Variants in HIPK3 observed in about 807,000 individuals in gnomAD.
The protein encoded by HIPK3 is homeodomain interacting protein kinase 3.
A neutral mutation model predicts 124.2 loss-of-function variants in HIPK3; 47 were observed. The ratio of observed to expected loss-of-function variants is 0.38; its 90% CI spans 0.30 to 0.48. The LOEUF is 0.48. Among genes scored for constraint, HIPK3 ranks in the 20% least tolerant of loss-of-function variants. The pLI, the probability that HIPK3 is intolerant of heterozygous loss-of-function variation, is 0.98. For synonymous variants in HIPK3, 482 were observed against 515.2 expected (o/e 0.94, Z 0.87); for missense variants, 1,286 against 1,454.3 (o/e 0.88, Z 1.88).
intron 3 of HIPK3, among the ~76,000 whole-genome samples, chr11:33,334,497 T>A (rs1853079844): frequency 1.3e-5 from 2 of 152,110 alleles, no homozygotes; most frequent in Non-Finnish European, 2.9e-5. Flanking sequence ...ATATATATAG[T>A]TGGAGGGCCT....
In HIPK3 at chr11:33,353,166, T is replaced by A; in HGVS notation, c.3246T>A (p.Pro1082=). ...FGHRRQQAYI[P]TSVTSNPFTL... ...ACAGAAGACAGCAAGCTTATATTCCTACTAGTGTTACCAGTAATCCATTCA... is the reference window on the plus strand; with the variant it reads ...ACAGAAGACAGCAAGCTTATATTCCAACTAGTGTTACCAGTAATCCATTCA... The change falls in exon 17 of 17, where the codon CCT becomes CCA. Residue 1082 remains proline (P), a synonymous_variant. Transcript: ENST00000303296. 6.2e-7 allele frequency: 1 copy of A among 1,614,074 alleles called. No homozygotes were observed. The highest frequency in any genetic ancestry group is 8.5e-7 in the Non-Finnish European group (1 of 1,179,966).
At chr11:33,329,577 CTGAT>C (rs1272505569) in intron 3 of HIPK3, among the ~76,000 whole-genome samples, 1 of 152,148 alleles carries the variant, frequency 6.6e-6, no homozygotes, top group African/African-American at 2.4e-5. Flanking sequence ...TCATTTAATA[CTGAT>C]TATTAGATTA....
At chr11:33,293,169 T>C (rs1851745703) in intron 2 of HIPK3, among the ~76,000 whole-genome samples, 2 of 152,212 alleles carry the variant, frequency 1.3e-5, no homozygotes, top group South Asian at 2.1e-4. Context: ...GCAGAGCTCT[T>C]AAGTTTTTTT....
chr11:33,331,091 G>T (rs907014692), intron 3 of HIPK3, among the ~76,000 whole-genome samples: 1 of 151,806 alleles, frequency 6.6e-6, no homozygotes, highest in East Asian at 1.9e-4. Context: ...TCATATTGAC[G>T]AGGCAGGTCT....
chr11:33,316,734 G>C (rs2133951723), intron 2 of HIPK3, among the ~76,000 whole-genome samples: 1 of 152,176 alleles, frequency 6.6e-6, no homozygotes, highest in East Asian at 1.9e-4. Flanking sequence ...GGAGGGAGGA[G>C]GATTGCCAGA....
intron 1 of HIPK3, among the ~76,000 whole-genome samples, chr11:33,260,421 C>T (rs1017369053): frequency 2.0e-5 from 3 of 152,126 alleles, no homozygotes; most frequent in African/African-American, 7.2e-5. Context: ...TTCAGAATGC[C>T]GCAATATTAT....
At chr11:33,261,283 G>C (rs1850820176) in intron 1 of HIPK3, among the ~76,000 whole-genome samples, 1 of 151,352 alleles carries the variant, frequency 6.6e-6, no homozygotes, top group African/African-American at 2.4e-5. Flanking sequence ...TGTGTCATGT[G>C]TGTTTGATGT....
intron 6 of HIPK3, among the ~76,000 whole-genome samples, chr11:33,340,030 A>G (rs1414529860): frequency 6.6e-6 from 1 of 152,168 alleles, no homozygotes; most frequent in Non-Finnish European, 1.5e-5. Context: ...GGAAGAATAT[A>G]TACTAAAATT....
At position 33,347,383 on chromosome 11, in the gene HIPK3, C is replaced by T. The variant is rs774358050; in HGVS notation, c.1988C>T (p.Pro663Leu). 1.2e-6 allele frequency: 2 copies of T among 1,614,048 alleles called. No individual in the cohort carries two copies. The highest frequency in any genetic ancestry group is 8.5e-7 in the Non-Finnish European group (1 of 1,179,986). The stretch of plus-strand genomic sequence containing the variant: ...GTAACTCAGGCCCCAGCTGTGCAGC[C>T]ACTACAGATCCGACCAGGAGTTCTT... The part of the protein sequence containing the change: ...PLVTQAPAVQ[P>L]LQIRPGVLSQ... Residue 663 changes from proline (P) to leucine (L), a missense_variant, in exon 9 of 17, where the codon CCA becomes CTA. Physicochemically the swap from Pro to Leu is moderately conservative, Grantham distance 98. This residue lies in a region of HIPK3 where 810 missense variants were observed against 864.9 expected (regional missense o/e 0.94). Coordinates refer to ENST00000303296, the MANE Select transcript of HIPK3 (RefSeq NM_005734.5).
At chr11:33,293,601 A>T (rs1851758969) in intron 2 of HIPK3, among the ~76,000 whole-genome samples, 1 of 152,116 alleles carries the variant, frequency 6.6e-6, no homozygotes, top group Non-Finnish European at 1.5e-5. Flanking sequence ...ATGTATCAAT[A>T]CTTACTACTT....
At chr11:33,309,395 G>A (rs991480159) in intron 2 of HIPK3, among the ~76,000 whole-genome samples, 1 of 152,210 alleles carries the variant, frequency 6.6e-6, no homozygotes. Context: ...GATTACAGGT[G>A]TGTCACCACA....
At chr11:33,343,247 TTGTGTGTGTGTGTGTGTGTGTG>T (rs3884092) in intron 8 of HIPK3, among the ~76,000 whole-genome samples, 3 of 141,496 alleles carry the variant, frequency 2.1e-5, no homozygotes, top group South Asian at 2.3e-4. Context: ...TTATTTGATT[TTGTGTGTGTGTGTGTGTGTGTG>T]TGTGTGTGTG....
At chr11:33,317,400 A>G (rs1019860131) in intron 2 of HIPK3, among the ~76,000 whole-genome samples, 1 of 150,564 alleles carries the variant, frequency 6.6e-6, no homozygotes, top group Non-Finnish European at 1.5e-5. Context: ...AGCTGGGACC[A>G]CAGGCACACA....
intron 2 of HIPK3, among the ~76,000 whole-genome samples, chr11:33,291,549 G>A (rs1196582737): frequency 1.3e-5 from 2 of 152,116 alleles, no homozygotes; most frequent in African/African-American, 4.8e-5. Context: ...AGTGATACAA[G>A]CCAGAAGTAC....
intron 3 of HIPK3, among the ~76,000 whole-genome samples, chr11:33,331,564 G>A (rs1417945087): frequency 6.6e-6 from 1 of 152,050 alleles, no homozygotes; most frequent in Non-Finnish European, 1.5e-5. Flanking sequence ...TTGTAGAGAT[G>A]GGGTCTCTTT....
chr11:33,310,686 C>T (rs2133942369), intron 2 of HIPK3, among the ~76,000 whole-genome samples: 1 of 152,230 alleles, frequency 6.6e-6, no homozygotes, highest in South Asian at 2.1e-4. Context: ...ATCTCAGGTG[C>T]CCAATAGCTA....
chr11:33,303,585 G>T (rs752612728), intron 2 of HIPK3, among the ~76,000 whole-genome samples: 8 of 152,140 alleles, frequency 5.3e-5, no homozygotes, highest in Non-Finnish European at 1.2e-4. Context: ...TATGTCAATA[G>T]AATGTAATGG....
At chr11:33,292,580 A>G (rs1489085482) in intron 2 of HIPK3, among the ~76,000 whole-genome samples, 1 of 152,078 alleles carries the variant, frequency 6.6e-6, no homozygotes, top group Non-Finnish European at 1.5e-5. Flanking sequence ...TCTCTCACTA[A>G]GCCACTCTTA....
intron 8 of HIPK3, among the ~76,000 whole-genome samples, chr11:33,343,246 T>TG (rs1449794405): frequency 7.5e-5 from 10 of 132,520 alleles, no homozygotes; most frequent in African/African-American, 1.8e-4. Context: ...ATTATTTGAT[T>TG]TTGTGTGTGT....
Sources: allele counts gnomAD v4.1 joint callset (sites outside exome capture counted in the v4.1 genomes callset), GRCh38; gene constraint gnomAD v4.1.1; regional missense constraint gnomAD v4.1.1; transcripts MANE v1.5; gene names NCBI Gene and HGNC (gene_info 2026-07-23, HGNC 2026-07-21).